Variants in PCDH15 observed in about 807,000 individuals in gnomAD.
PCDH15 encodes the protein protocadherin-15.
A neutral mutation model predicts 178.5 loss-of-function variants in PCDH15; 129 were observed. The observed-to-expected ratio is 0.72, with a 90% CI of 0.63 to 0.84. PCDH15 has a LOEUF of 0.84. Ranked by LOEUF, PCDH15 falls within the 40% of genes least tolerant of loss-of-function variation. The probability of loss-of-function intolerance (pLI) is 0.00; values close to 1 mark genes in which losing one functional copy is unlikely to be tolerated. For missense variants in PCDH15, 2,230 were observed against 2,099.9 expected (o/e 1.06, Z -1.21); for synonymous variants, 800 against 732.0 (o/e 1.09, Z -1.50).
Position 55,125,163 on chromosome 10 carries a change from T to TTGTGTGTGTGTGTGTGTGTG in PCDH15, c.-80+41393_-80+41412dup, listed in dbSNP as rs34423359. 2.0e-3 allele frequency among the ~76,000 whole-genome samples: 289 copies of TTGTGTGTGTGTGTGTGTGTG among 143,078 alleles called. 2 individuals are homozygous for TTGTGTGTGTGTGTGTGTGTG. Among genetic ancestry groups the TTGTGTGTGTGTGTGTGTGTG allele is most frequent in the African/African-American group, 5.9e-3 (229 of 38,596 alleles). The allele number at this position is 143,078 out of a possible 152,430, so 93.9% of individuals were successfully genotyped here. On this transcript the variant is annotated intron_variant, in intron 2 of 5. Transcript: ENST00000458638. ...GGATACTTTTTGAATTTTTTTTTAA[T>TTGTGTGTGTGTGTGTGTGTG]TGTGTGTGTGTGTGTGTGTGTGTGT...
chr10:54,525,257 A>C (rs2083262519), intron 3 of PCDH15, among the ~76,000 whole-genome samples: 1 of 152,198 alleles, frequency 6.6e-6, no homozygotes, highest in African/African-American at 2.4e-5. Flanking sequence ...AGGCAATTTG[A>C]CTTCAAGTAA....
chr10:54,496,150 A>G (rs576335798), intron 3 of PCDH15, among the ~76,000 whole-genome samples: 15 of 152,224 alleles, frequency 9.9e-5, no homozygotes, highest in African/African-American at 1.9e-4. Flanking sequence ...CTGCGACTCA[A>G]TATGCATTCT....
intron 2 of PCDH15, among the ~76,000 whole-genome samples, chr10:54,636,288 G>A (rs1405017690): frequency 2.0e-5 from 3 of 151,760 alleles, no homozygotes; most frequent in Non-Finnish European, 4.4e-5. Flanking sequence ...CTTAAACCAA[G>A]AATTAGAGTA....
chr10:55,426,746 G>T (rs141689571), intron 2 of PCDH15, among the ~76,000 whole-genome samples: 1 of 152,142 alleles, frequency 6.6e-6, no homozygotes, highest in African/African-American at 2.4e-5. Flanking sequence ...TGGTAAATGC[G>T]GATGATTTTC....
rs962264491 is a variant in PCDH15 at position 55,552,140 on chromosome 10, C to T, written c.-156+75485G>A. ...GACTTATTCAAGGAAGGCTTAAATG[C>T]TTTAAAATATCAAATAAAATATTGC... On this transcript the variant is annotated intron_variant, in intron 2 of 5. Coordinates refer to the PCDH15 transcript ENST00000613346. Among the ~76,000 whole-genome samples the T allele has an allele frequency of 2.0e-5, 3 of 151,640 alleles. No homozygotes were observed. The East Asian group carries it at 5.8e-4, about 29-fold the overall frequency.
chr10:55,426,290 G>A (rs1171544851), intron 2 of PCDH15, among the ~76,000 whole-genome samples: 1 of 152,186 alleles, frequency 6.6e-6, no homozygotes, highest in African/African-American at 2.4e-5. Flanking sequence ...TCGCAGGAGG[G>A]AGTGCCTGAG....
rs1841688193 is a variant in PCDH15 at position 55,070,081 on chromosome 10, G to A, written c.-80+96495C>T. ...TTTGGCTGCATAAATGTCTTCTTTTGAGAAGTGTCTGTTCATGTCCTTCGC... is the reference window on the plus strand; with the variant it reads ...TTTGGCTGCATAAATGTCTTCTTTTAAGAAGTGTCTGTTCATGTCCTTCGC... On this transcript the variant is annotated intron_variant, in intron 2 of 5. Transcript: ENST00000458638. Among the ~76,000 whole-genome samples, 12 of 151,114 alleles carry A rather than the reference G, an allele frequency of 7.9e-5. No homozygotes were observed. In the South Asian group the frequency reaches 2.5e-3, roughly 31 times the overall value.
intron 26 of PCDH15, among the ~76,000 whole-genome samples, chr10:53,870,188 T>G (rs947147744): frequency 6.6e-6 from 1 of 152,178 alleles, no homozygotes; most frequent in Non-Finnish European, 1.5e-5. Context: ...TACAAAATAG[T>G]CATATTCCAT....
At chr10:55,405,640 A>T (rs1483555006) in intron 2 of PCDH15, among the ~76,000 whole-genome samples, 2 of 151,842 alleles carry the variant, frequency 1.3e-5, no homozygotes, top group Non-Finnish European at 2.9e-5. Flanking sequence ...CAAAGAAAAG[A>T]TGTAACTTCA....
intron 8 of PCDH15, among the ~76,000 whole-genome samples, chr10:54,315,931 G>GTT (rs765177414): frequency 1.8e-4 from 19 of 107,306 alleles, no homozygotes; most frequent in African/African-American, 5.0e-4. Flanking sequence ...TAGTTTGTGT[G>GTT]TTTTTTTTGT....
At chr10:54,915,984 G>T (rs1381486959) in intron 2 of PCDH15, among the ~76,000 whole-genome samples, 2 of 151,158 alleles carry the variant, frequency 1.3e-5, no homozygotes, top group South Asian at 4.2e-4. Flanking sequence ...ACCTGCAACC[G>T]TGCCTGGCTA....
chr10:55,288,190 G>T (rs565833176), intron 1 of PCDH15, among the ~76,000 whole-genome samples: 7 of 149,510 alleles, frequency 4.7e-5, no homozygotes, highest in Middle Eastern at 3.4e-3. Context: ...ATAGAGTAAC[G>T]GCACACGTAG....
intron 25 of PCDH15, among the ~76,000 whole-genome samples, chr10:53,933,874 T>C (rs1336283611): frequency 1.3e-5 from 2 of 152,188 alleles, no homozygotes; most frequent in Non-Finnish European, 2.9e-5. Flanking sequence ...TTCTAACTGG[T>C]GTGAGATGGT....
intron 3 of PCDH15, among the ~76,000 whole-genome samples, chr10:54,853,095 T>G (rs1953656339): frequency 6.7e-6 from 1 of 149,804 alleles, no homozygotes; most frequent in African/African-American, 2.4e-5. Flanking sequence ...ACCCCATCTC[T>G]ACTAAAAATA....
chr10:54,680,557 C>A (rs2094880603), intron 1 of PCDH15, among the ~76,000 whole-genome samples: 2 of 152,010 alleles, frequency 1.3e-5, no homozygotes, highest in South Asian at 4.1e-4. Flanking sequence ...TTGGTTGTGT[C>A]CCCACCCAAA....
intron 1 of PCDH15, among the ~76,000 whole-genome samples, chr10:54,706,600 A>G (rs2095367207): frequency 6.6e-6 from 1 of 152,128 alleles, no homozygotes; most frequent in Admixed American, 6.6e-5. Context: ...ACTTAACCAC[A>G]GGAAATGGGG....
chr10:53,912,293 T>C (rs1257427201), intron 25 of PCDH15, among the ~76,000 whole-genome samples: 2 of 151,998 alleles, frequency 1.3e-5, no homozygotes, highest in Admixed American at 6.6e-5. Context: ...GATGGAACAT[T>C]TCTCAAAATA....
intron 9 of PCDH15, among the ~76,000 whole-genome samples, chr10:54,235,488 T>C (rs192847589): frequency 2.9e-4 from 44 of 152,332 alleles, no homozygotes; most frequent in Non-Finnish European, 5.3e-4. Flanking sequence ...TTGCACATGC[T>C]GCATTATCTA....
At chr10:54,692,371 C>T (rs2095137799) in intron 1 of PCDH15, among the ~76,000 whole-genome samples, 1 of 152,112 alleles carries the variant, frequency 6.6e-6, no homozygotes, top group Non-Finnish European at 1.5e-5. Flanking sequence ...CGTTTGCTTC[C>T]AGCAGTATTT....
Sources: gnomAD v4.1 joint callset for allele counts (sites outside exome capture counted in the v4.1 genomes callset) on GRCh38, gnomAD v4.1.1 for gene constraint, MANE v1.5 for transcripts, NCBI Gene and HGNC (gene_info 2026-07-23, HGNC 2026-07-21) for gene names.